NSRP1: variants seen among roughly 807,000 people sequenced by gnomAD.
The protein encoded by NSRP1 is nuclear speckle splicing regulatory protein 1, also known as coiled-coil domain containing 55.
A neutral mutation model predicts 54.7 loss-of-function variants in NSRP1; 24 were observed. That is an observed-to-expected ratio of 0.44 (90% CI 0.32 to 0.62). The LOEUF (loss-of-function observed/expected upper bound fraction) is 0.62, where lower values mean the gene tolerates loss of function less well. Among genes scored for constraint, NSRP1 ranks in the 20% least tolerant of loss-of-function variants. The pLI is 0.06. For missense variants in NSRP1, 596 were observed against 651.2 expected (o/e 0.92, Z 0.92); for synonymous variants, 210 against 213.8 (o/e 0.98, Z 0.15).
chr17:30,142,113 A>G (rs953594469), intron 2 of NSRP1, among the ~76,000 whole-genome samples: 2 of 152,170 alleles, frequency 1.3e-5, no homozygotes, highest in Non-Finnish European at 2.9e-5. Context: ...TCTACCTTGC[A>G]AACAATTTGT....
chr17:30,185,537 G>A lies in NSRP1; in HGVS notation c.1540G>A (p.Glu514Lys). 6.2e-7 allele frequency: 1 copy of A among 1,614,174 alleles called. No homozygotes were observed. Among genetic ancestry groups the A allele is most frequent in the Non-Finnish European group, 8.5e-7 (1 of 1,180,032 alleles). The change falls in exon 7 of 7, where the codon GAG becomes AAG. Residue 514 changes from glutamate to lysine, a missense_variant. Coordinates refer to ENST00000247026, the MANE Select transcript of NSRP1 (RefSeq NM_032141.4). ...EEGQEKGKEQ[E>K]RPPEAVSKFA... ...AGGGCAAGAGAAGGGTAAAGAACAA[G>A]AGAGACCACCTGAGGCAGTGAGCAA...
chr17:30,121,922 C>T (rs1597591497), intron 2 of NSRP1, among the ~76,000 whole-genome samples: 1 of 151,996 alleles, frequency 6.6e-6, no homozygotes, highest in East Asian at 1.9e-4. Flanking sequence ...GAACATTTTC[C>T]TCACCCAGAA....
chr17:30,141,131 A>T (rs1046198654), intron 2 of NSRP1, among the ~76,000 whole-genome samples: 14 of 151,950 alleles, frequency 9.2e-5, no homozygotes, highest in Admixed American at 3.3e-4. Context: ...CAGCTTTTTG[A>T]TTATTCATTG....
At chr17:30,176,947 T>C (rs978614077) in intron 3 of NSRP1, among the ~76,000 whole-genome samples, 6 of 152,204 alleles carry the variant, frequency 3.9e-5, no homozygotes, top group Admixed American at 2.6e-4. Flanking sequence ...TCCTATCACT[T>C]AAAAAGGATC....
chr17:30,151,856 C>T (rs1445923146), intron 2 of NSRP1, among the ~76,000 whole-genome samples: 1 of 143,378 alleles, frequency 7.0e-6, no homozygotes, highest in Non-Finnish European at 1.5e-5. Context: ...AATCTCAGCT[C>T]ACCGCATCCT....
chr17:30,121,094 T>C lies in NSRP1; in HGVS notation c.114+2921T>C, dbSNP rs551459974. Among the ~76,000 whole-genome samples, 9 of 152,278 alleles carry C rather than the reference T, an allele frequency of 5.9e-5. No homozygotes were observed. The East Asian group carries it at 1.5e-3, about 26-fold the overall frequency. ...AATAATGTGGCTGGAGAAGAGGGTA[T>C]ATAGGAAAAAATGTTGCAGATACGG... On this transcript the variant is annotated intron_variant, in intron 2 of 6. Transcript: ENST00000247026.
chr17:30,145,291 A>G (rs1216488365), intron 2 of NSRP1, among the ~76,000 whole-genome samples: 1 of 149,238 alleles, frequency 6.7e-6, no homozygotes, highest in Admixed American at 6.8e-5. Flanking sequence ...TATATAAATT[A>G]TTGCACTAAG....
intron 3 of NSRP1, among the ~76,000 whole-genome samples, chr17:30,174,474 T>C (rs1487309405): frequency 6.6e-6 from 1 of 152,224 alleles, no homozygotes; most frequent in East Asian, 1.9e-4. Flanking sequence ...GAAAATGCTT[T>C]TTAAAATGGG....
rs75982893 is a variant in NSRP1, at chr17:30,186,274, T to C, written c.*600T>C. On this transcript the variant is annotated 3_prime_UTR_variant, in exon 7 of 7. Coordinates refer to ENST00000247026, the MANE Select transcript of NSRP1 (RefSeq NM_032141.4). ...AATGAGACCCTGTCTCTAAAAAATT[T>C]TTTTTAAATAAATAATTTAACTCTT... 2.0e-5 allele frequency: 3 copies of C among 152,280 alleles called. No individual in the cohort carries two copies. In the East Asian group the frequency reaches 5.8e-4, roughly 29 times the overall value. 9.4% of individuals were successfully genotyped at this position (152,280 alleles called of 1,614,324 possible).
At chr17:30,136,837 A>G (rs1029645137) in intron 2 of NSRP1, among the ~76,000 whole-genome samples, 8 of 152,240 alleles carry the variant, frequency 5.3e-5, no homozygotes, top group African/African-American at 1.9e-4. Flanking sequence ...TATTGCTGAT[A>G]CACAGCAGTA....
intron 2 of NSRP1, among the ~76,000 whole-genome samples, chr17:30,152,054 C>T (rs2071916709): frequency 6.6e-6 from 1 of 152,000 alleles, no homozygotes; most frequent in South Asian, 2.1e-4. Flanking sequence ...AGGCGTGAGC[C>T]ACCACACCTG....
chr17:30,117,583 C>T, intron 1 of NSRP1: 1 of 377,212 alleles, frequency 2.7e-6, no homozygotes, highest in Non-Finnish European at 4.7e-6. Context: ...ACTTGGGTTT[C>T]TCAGTTATCT....
intron 5 of NSRP1, among the ~76,000 whole-genome samples, chr17:30,179,867 G>T (rs542082345): frequency 2.6e-5 from 4 of 151,842 alleles, no homozygotes; most frequent in South Asian, 2.1e-4. Flanking sequence ...TTGAGACTGG[G>T]TCTCTGTCAC....
intron 2 of NSRP1, among the ~76,000 whole-genome samples, chr17:30,153,979 G>A (rs180976956): frequency 1.4e-4 from 21 of 152,190 alleles, no homozygotes; most frequent in Admixed American, 1.1e-3. Flanking sequence ...TCTAGATTTC[G>A]TCCTGGATTG....
chr17:30,176,791 A>G (rs1905142906), intron 3 of NSRP1, among the ~76,000 whole-genome samples: 1 of 152,178 alleles, frequency 6.6e-6, no homozygotes, highest in South Asian at 2.1e-4. Flanking sequence ...CTAAAGGTTG[A>G]GAAGTGAAAA....
chr17:30,170,990 T>G (rs1206533534), intron 2 of NSRP1, among the ~76,000 whole-genome samples: 1 of 152,190 alleles, frequency 6.6e-6, no homozygotes, highest in Non-Finnish European at 1.5e-5. Context: ...TGAGGTGTTA[T>G]CTCTTAGTGG....
intron 2 of NSRP1, among the ~76,000 whole-genome samples, chr17:30,127,644 C>T (rs1472282367): frequency 2.6e-5 from 4 of 152,070 alleles, no homozygotes; most frequent in African/African-American, 9.7e-5. Flanking sequence ...AGACTCCTGG[C>T]CTCTAGTGAT....
rs1306034190 is a variant in NSRP1 at position 30,181,391 on chromosome 17, CTTTT to C, written c.617+378_617+381del. ...AAGCAAAATCAAATTGTAGTTTTTT[CTTTT>C]TTCTTTTTTTTTTTTTTTTTTGAGG... On this transcript the variant is annotated intron_variant, in intron 6 of 6. Coordinates refer to ENST00000247026, the MANE Select transcript of NSRP1 (RefSeq NM_032141.4). Among the ~76,000 whole-genome samples the C allele has an allele frequency of 5.4e-5, 7 of 130,512 alleles. No homozygotes were observed. The Admixed American group carries it at 5.9e-4, about 11-fold the overall frequency. 85.6% of individuals were successfully genotyped at this position (130,512 alleles called of 152,430 possible).
Position 30,184,758 on chromosome 17 carries a change from G to A in NSRP1, c.761G>A (p.Ser254Asn), listed in dbSNP as rs1279976533. ...GCAGACAGTGACTTCGATGCTAAGAGCAGTGCGGATGATGAAATAGAAGAA... is the reference window on the plus strand; with the variant it reads ...GCAGACAGTGACTTCGATGCTAAGAACAGTGCGGATGATGAAATAGAAGAA... ...PDADSDFDAK[S>N]SADDEIEETR... Residue 254 changes from serine (S) to asparagine (N), a missense_variant, in exon 7 of 7, where the codon AGC (serine) becomes AAC (asparagine). Ser to Asn is a conservative substitution (Grantham distance 46). Transcript: ENST00000247026. The A allele has an allele frequency of 1.2e-6, 2 of 1,614,112 alleles. No individual in the cohort carries two copies. The highest frequency in any genetic ancestry group is 1.1e-5 in the South Asian group (1 of 91,060).
Sources: allele counts gnomAD v4.1 joint callset (sites outside exome capture counted in the v4.1 genomes callset), GRCh38; gene constraint gnomAD v4.1.1; transcripts MANE v1.5; gene names NCBI Gene and HGNC (gene_info 2026-07-23, HGNC 2026-07-21).